The following AFG1L variants were observed in gnomAD, a reference collection of about 807,000 sequenced individuals.
AFG1L encodes the protein AFG1 like ATPase.
Under a neutral mutation model 62.2 loss-of-function variants are expected in AFG1L, and 53 were observed. The ratio of observed to expected loss-of-function variants is 0.85; its 90% CI spans 0.68 to 1.07. AFG1L has a LOEUF of 1.07. Ranked by LOEUF, AFG1L falls within the 50% of genes least tolerant of loss-of-function variation. The pLI is 0.00. For missense variants in AFG1L, 555 were observed against 590.5 expected, an observed-to-expected ratio of 0.94 and a Z score of 0.62; for synonymous variants, 228 against 210.3, an observed-to-expected ratio of 1.08 and a Z score of -0.73.
intron 7 of AFG1L, among the ~76,000 whole-genome samples, chr6:108,415,574 T>C (rs2114672055): frequency 6.6e-6 from 1 of 152,182 alleles, no homozygotes; most frequent in East Asian, 1.9e-4. Flanking sequence ...AAAACAGATA[T>C]ACAGACCAAT....
At chr6:108,341,157 GCTAT>G (rs1337814883) in intron 2 of AFG1L, among the ~76,000 whole-genome samples, 1 of 152,054 alleles carries the variant, frequency 6.6e-6, no homozygotes, top group Non-Finnish European at 1.5e-5. Flanking sequence ...TCTATTTTTA[GCTAT>G]CTTTTTATCA....
At chr6:108,458,705 G>A (rs927268757) in intron 8 of AFG1L, among the ~76,000 whole-genome samples, 1 of 152,044 alleles carries the variant, frequency 6.6e-6, no homozygotes, top group Non-Finnish European at 1.5e-5. Context: ...CAGTTTTAAT[G>A]TCTTTGTCTA....
intron 8 of AFG1L, among the ~76,000 whole-genome samples, chr6:108,458,891 G>T (rs933198955): frequency 6.6e-6 from 1 of 151,780 alleles, no homozygotes; most frequent in Non-Finnish European, 1.5e-5. Context: ...TTGAGACTTT[G>T]TTCTGGGACA....
rs749740202 is a variant in AFG1L at position 108,477,186 on chromosome 6, C to T, written c.962-6C>T. ...CAAGATTGAGTCTTTGTTCATGTTC[C>T]CATAGTAACTAGACCAAGGATTCTA... On this transcript the variant is annotated splice_region_variant and splice_polypyrimidine_tract_variant and intron_variant, in intron 9 of 12. Coordinates refer to ENST00000368977, the MANE Select transcript of AFG1L (RefSeq NM_145315.5). 12 of 1,561,984 alleles carry T rather than the reference C, an allele frequency of 7.7e-6. No homozygotes were observed. The African/African-American group carries it at 1.2e-4, about 16-fold the overall frequency.
At chr6:108,474,473 A>G (rs1353382499) in intron 8 of AFG1L, among the ~76,000 whole-genome samples, 1 of 152,168 alleles carries the variant, frequency 6.6e-6, no homozygotes, top group African/African-American at 2.4e-5. Flanking sequence ...GTCTTCCACA[A>G]TGGTTGAGCT....
In AFG1L at chr6:108,363,271, T is replaced by C. The variant is rs557472437; in HGVS notation, c.649-2962T>C. 2.7e-4 allele frequency among the ~76,000 whole-genome samples: 41 copies of C among 152,266 alleles called. No homozygotes were observed. In the South Asian group the frequency reaches 8.3e-3, roughly 31 times the overall value. ...GGGGTGTGTGTGCAGGTTTGTTATA[T>C]AGGTAAACATGTGTCACAAGAGTTT... On this transcript the variant is annotated intron_variant, in intron 5 of 12. Coordinates refer to ENST00000368977, the MANE Select transcript of AFG1L (RefSeq NM_145315.5).
intron 2 of AFG1L, among the ~76,000 whole-genome samples, chr6:108,343,397 TC>T (rs1274631855): frequency 6.6e-6 from 1 of 152,026 alleles, no homozygotes; most frequent in African/African-American, 2.4e-5. Flanking sequence ...ATGCAATCTT[TC>T]CCCCCATCTT....
At chr6:108,519,948 C>A in intron 12 of AFG1L, 138 bp downstream of exon 12, 1 of 515,336 alleles carries the variant, frequency 1.9e-6, no homozygotes, top group Non-Finnish European at 3.4e-6. Flanking sequence ...GCCCATGTAG[C>A]AAATTTATCA....
intron 8 of AFG1L, among the ~76,000 whole-genome samples, chr6:108,457,065 A>G (rs1772280289): frequency 6.6e-6 from 1 of 152,166 alleles, no homozygotes; most frequent in Admixed American, 6.5e-5. Context: ...TTGTTAAGTA[A>G]TGTGCCACTG....
intron 7 of AFG1L, among the ~76,000 whole-genome samples, chr6:108,426,171 C>G (rs747689715): frequency 4.6e-5 from 7 of 151,790 alleles, no homozygotes; most frequent in African/African-American, 7.3e-5. Flanking sequence ...GTGGTAATTA[C>G]AGTGTAAATG....
intron 2 of AFG1L, among the ~76,000 whole-genome samples, chr6:108,345,206 A>G (rs1206620361): frequency 6.6e-6 from 1 of 151,526 alleles, no homozygotes; most frequent in Non-Finnish European, 1.5e-5. Flanking sequence ...GGCTAGTCTC[A>G]AACTCCGGGG....
intron 8 of AFG1L, among the ~76,000 whole-genome samples, chr6:108,462,098 A>G (rs952891232): frequency 1.3e-5 from 2 of 152,000 alleles, no homozygotes; most frequent in African/African-American, 4.8e-5. Context: ...CCGTCTCAAA[A>G]AAAGAAAAAA....
At chr6:108,520,008 C>G in intron 12 of AFG1L, 198 bp downstream of exon 12, 2 of 388,078 alleles carry the variant, frequency 5.2e-6, no homozygotes, top group East Asian at 4.7e-5. Context: ...GTGGAAGGAA[C>G]CTTAGTGGTC....
At chr6:108,471,733 C>G (rs1772907720) in intron 8 of AFG1L, among the ~76,000 whole-genome samples, 1 of 151,978 alleles carries the variant, frequency 6.6e-6, no homozygotes, top group African/African-American at 2.4e-5. Flanking sequence ...CCATCGTGTT[C>G]TTATTAAAAA....
At chr6:108,511,153 A>T (rs952752813) in intron 11 of AFG1L, among the ~76,000 whole-genome samples, 1 of 148,712 alleles carries the variant, frequency 6.7e-6, no homozygotes, top group African/African-American at 2.5e-5. Flanking sequence ...AGGAGGAGGG[A>T]GGTAGGAGGA....
chr6:108,401,713 G>A (rs1487123034), intron 6 of AFG1L, among the ~76,000 whole-genome samples: 2 of 151,996 alleles, frequency 1.3e-5, no homozygotes. Context: ...TTTGAATTTT[G>A]GAAGTGATAC....
At chr6:108,487,121 A>G (rs1317365958) in intron 10 of AFG1L, among the ~76,000 whole-genome samples, 1 of 152,276 alleles carries the variant, frequency 6.6e-6, no homozygotes, top group Non-Finnish European at 1.5e-5. Context: ...AGGAAATAAC[A>G]TAAGCCAAAT....
At chr6:108,445,513 T>G (rs1337491388) in intron 7 of AFG1L, among the ~76,000 whole-genome samples, 1 of 152,176 alleles carries the variant, frequency 6.6e-6, no homozygotes, top group African/African-American at 2.4e-5. Flanking sequence ...TTCTAGCTTT[T>G]GGTTGAGAGT....
At chr6:108,358,514 A>G (rs940211266) in intron 5 of AFG1L, among the ~76,000 whole-genome samples, 5 of 152,120 alleles carry the variant, frequency 3.3e-5, no homozygotes, top group African/African-American at 1.2e-4. Flanking sequence ...TTTCAGAGAA[A>G]TGATTGGCTT....
Sources: gnomAD v4.1 joint callset for allele counts (sites outside exome capture counted in the v4.1 genomes callset) on GRCh38, gnomAD v4.1.1 for gene constraint, MANE v1.5 for transcripts, NCBI Gene and HGNC (gene_info 2026-07-23, HGNC 2026-07-21) for gene names.